SEMA3E: variants seen among roughly 807,000 people sequenced by gnomAD.
The protein encoded by SEMA3E is semaphorin-3E.
In SEMA3E, 49 loss-of-function variants were observed where a neutral mutation model predicts 93.6. That is an observed-to-expected ratio of 0.52 (90% CI 0.42 to 0.66). The LOEUF (loss-of-function observed/expected upper bound fraction) is 0.66, where lower values mean the gene tolerates loss of function less well. SEMA3E is among the 30% of genes least tolerant of loss of function. The probability of loss-of-function intolerance (pLI) is 0.00; values close to 1 mark genes in which losing one functional copy is unlikely to be tolerated. For synonymous variants in SEMA3E, 363 were observed against 330.7 expected (o/e 1.10, Z -1.06); for missense variants, 906 against 964.8 (o/e 0.94, Z 0.81).
intron 4 of SEMA3E, among the ~76,000 whole-genome samples, chr7:83,446,249 C>A (rs993792700): frequency 6.6e-6 from 1 of 152,088 alleles, no homozygotes; most frequent in African/African-American, 2.4e-5. Context: ...TTGGACAATG[C>A]CAAGAGTTAA....
At chr7:83,484,909 T>C (rs2115956549) in intron 2 of SEMA3E, among the ~76,000 whole-genome samples, 1 of 152,182 alleles carries the variant, frequency 6.6e-6, no homozygotes, top group Non-Finnish European at 1.5e-5. Flanking sequence ...GGGAAGAGTG[T>C]TGAGGAATGT....
In SEMA3E at chr7:83,489,765, C is replaced by T. The variant is rs145287905; in HGVS notation, c.276+349G>A. ...CATATTTAACATTTCTTCAAGCTTG[C>T]GCTTTGGAATAATAAAGCCCAGAGG... On this transcript the variant is annotated intron_variant, in intron 2 of 16. Transcript: ENST00000643230. Among the ~76,000 whole-genome samples the T allele has an allele frequency of 9.1e-4, 139 of 152,140 alleles. 1 individual carries two copies. The highest frequency in any genetic ancestry group is 3.2e-3 in the African/African-American group (131 of 41,524).
intron 16 of SEMA3E, among the ~76,000 whole-genome samples, chr7:83,380,882 T>C (rs566459073): frequency 6.6e-6 from 1 of 152,098 alleles, no homozygotes; most frequent in African/African-American, 2.4e-5. Context: ...CCATCTGAGA[T>C]GCTAAACAGC....
intron 1 of SEMA3E, among the ~76,000 whole-genome samples, chr7:83,554,758 C>T (rs1338327439): frequency 6.6e-6 from 1 of 152,014 alleles, no homozygotes; most frequent in Non-Finnish European, 1.5e-5. Flanking sequence ...GGGCAGATCA[C>T]GAGGTCAGGA....
intron 1 of SEMA3E, among the ~76,000 whole-genome samples, chr7:83,636,322 T>C (rs1793881152): frequency 2.0e-5 from 3 of 152,132 alleles, no homozygotes; most frequent in African/African-American, 7.2e-5. Flanking sequence ...TCTCATCATA[T>C]CTCCTGTATT....
At chr7:83,495,189 T>A (rs1385032214) in intron 1 of SEMA3E, among the ~76,000 whole-genome samples, 4 of 151,936 alleles carry the variant, frequency 2.6e-5, no homozygotes, top group African/African-American at 9.7e-5. Flanking sequence ...TAGATGTTCA[T>A]TCATATATAG....
chr7:83,390,125 ACGTGTG>A (rs1787983786), intron 14 of SEMA3E, among the ~76,000 whole-genome samples: 3 of 68,910 alleles, frequency 4.4e-5, no homozygotes, highest in Non-Finnish European at 8.9e-5. Context: ...ATGCGCGTAT[ACGTGTG>A]CACATATATG....
chr7:83,389,640 A>C (rs1787952857), intron 14 of SEMA3E, among the ~76,000 whole-genome samples: 1 of 151,394 alleles, frequency 6.6e-6, no homozygotes, highest in Non-Finnish European at 1.5e-5. Context: ...ACACACATAC[A>C]CGTATATATT....
At chr7:83,602,667 G>A (rs534911325) in intron 1 of SEMA3E, among the ~76,000 whole-genome samples, 6 of 151,996 alleles carry the variant, frequency 3.9e-5, no homozygotes, top group Non-Finnish European at 7.4e-5. Flanking sequence ...TAGTAGAAAC[G>A]GGGTTTCACC....
At chr7:83,382,526 T>C (rs1330045850) in intron 16 of SEMA3E, among the ~76,000 whole-genome samples, 4 of 151,966 alleles carry the variant, frequency 2.6e-5, no homozygotes, top group Non-Finnish European at 5.9e-5. Context: ...TCAGTTCCTG[T>C]TTGCAATAGG....
chr7:83,617,910 C>T (rs1192199177), intron 1 of SEMA3E, among the ~76,000 whole-genome samples: 1 of 151,982 alleles, frequency 6.6e-6, no homozygotes, highest in African/African-American at 2.4e-5. Flanking sequence ...TCCATTGCTC[C>T]TAAATAAAAT....
chr7:83,452,607 C>T (rs1319777378), intron 4 of SEMA3E, among the ~76,000 whole-genome samples: 1 of 152,160 alleles, frequency 6.6e-6, no homozygotes, highest in Non-Finnish European at 1.5e-5. Context: ...TGACATTTGT[C>T]AAGAAGTCTA....
intron 1 of SEMA3E, among the ~76,000 whole-genome samples, chr7:83,530,415 G>A (rs1301561694): frequency 6.6e-6 from 1 of 152,076 alleles, no homozygotes; most frequent in African/African-American, 2.4e-5. Context: ...TTTTATTAAT[G>A]TTATCATAAA....
Position 83,394,298 on chromosome 7 carries a change from C to A in SEMA3E, c.1499G>T (p.Arg500Leu). 6.2e-7 allele frequency: 1 copy of A among 1,613,070 alleles called. No individual in the cohort carries two copies. Among genetic ancestry groups the A allele is most frequent in the Non-Finnish European group, 8.5e-7 (1 of 1,179,596 alleles). ...CACACACACACACACAGAACTTACC[C>A]GCTTTGAAGAAATCTCCATAGAAAT... ...PIISMEISSKRQQLYIGSASA... is the reference protein window; with the variant it reads ...PIISMEISSKLQQLYIGSASA... Residue 500 changes from arginine (R) to leucine (L), a missense_variant and splice_region_variant, in exon 13 of 17, where the codon CGG (arginine) becomes CTG (leucine). Arg to Leu is a moderately radical substitution (Grantham distance 102). Coordinates refer to ENST00000643230, the MANE Select transcript of SEMA3E (RefSeq NM_012431.3).
At chr7:83,586,639 T>C (rs1792633361) in intron 1 of SEMA3E, among the ~76,000 whole-genome samples, 1 of 151,652 alleles carries the variant, frequency 6.6e-6, no homozygotes, top group African/African-American at 2.4e-5. Context: ...AGTAAGACTC[T>C]CTCTTTGAAG....
At chr7:83,391,852 T>G (rs1788025372) in intron 14 of SEMA3E, among the ~76,000 whole-genome samples, 1 of 152,238 alleles carries the variant, frequency 6.6e-6, no homozygotes, top group South Asian at 2.1e-4. Context: ...TTGTTTGCTT[T>G]ATTTTGTCTT....
chr7:83,629,794 G>A (rs927510004), intron 1 of SEMA3E, among the ~76,000 whole-genome samples: 4 of 152,090 alleles, frequency 2.6e-5, no homozygotes, highest in South Asian at 4.1e-4. Context: ...CCAGGGGAGC[G>A]AACGGATCTG....
chr7:83,621,240 T>G (rs1793550531), intron 1 of SEMA3E, among the ~76,000 whole-genome samples: 1 of 151,044 alleles, frequency 6.6e-6, no homozygotes. Flanking sequence ...GAACTCCCAT[T>G]CACAATTGCT....
intron 16 of SEMA3E, among the ~76,000 whole-genome samples, chr7:83,374,236 A>G (rs1794790240): frequency 6.6e-6 from 1 of 151,616 alleles, no homozygotes; most frequent in South Asian, 2.1e-4. Flanking sequence ...AAAGACAGAA[A>G]GAAAGAAATT....
Sources: allele counts gnomAD v4.1 joint callset (sites outside exome capture counted in the v4.1 genomes callset), GRCh38; gene constraint gnomAD v4.1.1; transcripts MANE v1.5; gene names NCBI Gene and HGNC (gene_info 2026-07-23, HGNC 2026-07-21).